Variants in CRLF1 observed in about 807,000 individuals in gnomAD.
CRLF1 encodes cytokine receptor like factor 1.
In CRLF1, 36 loss-of-function variants were observed where a neutral mutation model predicts 48.9. The observed-to-expected ratio is 0.74, with a 90% confidence interval of 0.56 to 0.97. CRLF1 has a LOEUF of 0.97. Ranked by LOEUF, CRLF1 falls within the 50% of genes least tolerant of loss-of-function variation. The pLI, the probability that CRLF1 is intolerant of heterozygous loss-of-function variation, is 0.00. For missense variants in CRLF1, 534 were observed against 575.1 expected (o/e 0.93, Z 0.73); for synonymous variants, 256 against 253.4 (o/e 1.01, Z -0.10).
intron 1 of CRLF1, among the ~76,000 whole-genome samples, chr19:18,605,919 C>G (rs977407035): frequency 3.3e-5 from 5 of 152,136 alleles, no homozygotes; most frequent in African/African-American, 1.2e-4. Context: ...AGGCTCTCCG[C>G]CCGACGCAGC....
At chr19:18,604,001 C>T (rs1171301477) in intron 1 of CRLF1, among the ~76,000 whole-genome samples, 1 of 152,204 alleles carries the variant, frequency 6.6e-6, no homozygotes. Flanking sequence ...GCGTCTCTGC[C>T]CCGGCCCACC....
rs780603994 is a variant in CRLF1, at chr19:18,594,366, G to A, written c.1093C>T (p.Arg365Cys). 6.2e-7 allele frequency: 1 copy of A among 1,608,880 alleles called. No homozygotes were observed. Among genetic ancestry groups the A allele is most frequent in the Non-Finnish European group, 8.5e-7 (1 of 1,178,038 alleles). The part of the protein sequence containing the change: ...GGEPSSGPVR[R>C]ELKQFLGWLK... ...CAGCCCAGGAACTGCTTGAGCTCGC[G>A]CCGCACCGGCCCCGAGCTCGGCTCT... Residue 365 changes from arginine to cysteine, a missense_variant, in exon 7 of 9, where the codon CGC becomes TGC. This residue lies in a region of CRLF1 where 528 missense variants were observed against 555.7 expected (regional missense o/e 0.95). Coordinates refer to ENST00000392386, the MANE Select transcript of CRLF1 (RefSeq NM_004750.5).
At chr19:18,604,325 C>G (rs951210869) in intron 1 of CRLF1, among the ~76,000 whole-genome samples, 5 of 152,182 alleles carry the variant, frequency 3.3e-5, no homozygotes, top group Non-Finnish European at 7.4e-5. Context: ...CCTGGACAGA[C>G]CAATCTCCCA....
chr19:18,600,484 T>C (rs886382600), intron 1 of CRLF1, among the ~76,000 whole-genome samples: 2 of 152,134 alleles, frequency 1.3e-5, no homozygotes, highest in African/African-American at 4.8e-5. Context: ...TTCTCCTGCC[T>C]CAGCCTCCCA....
intron 5 of CRLF1, 29 bp from the exon 6 acceptor site, chr19:18,596,819 AGGGCGGGGCCTAGCAGGAGCGG>A (rs1976141451): frequency 4.3e-6 from 7 of 1,611,286 alleles, no homozygotes; most frequent in African/African-American, 4.0e-5. Flanking sequence ...GTCAGAGTAG[AGGGCGGGGCCTAGCAGGAGCGG>A]GGGCGGGGCC....
In CRLF1 at chr19:18,606,754, C is replaced by A. The variant is rs946321821; in HGVS notation, c.-98G>T. The A allele has an allele frequency of 2.0e-4, 30 of 148,706 alleles. No homozygotes were observed. In the East Asian group the frequency reaches 5.0e-3, roughly 25 times the overall value. 9.2% of individuals were successfully genotyped at this position (148,706 alleles called of 1,614,324 possible). A position where few individuals can be genotyped will look rare whatever the true frequency, so the allele number is the denominator to read the frequency against. On this transcript the variant is annotated 5_prime_UTR_variant, in exon 1 of 9. Transcript: ENST00000392386. This position sits in a 1 kb window ranked among gnomAD's most constrained non-coding sequence, Gnocchi z 4.8. ...CGGGCGCGGGAGGGCGCGGGCCAGG[C>A]CGCCCGCACGTCGCTGGGCGCGGAC...
rs1976293533 is a variant in CRLF1, at chr19:18,606,236, C to A, written c.115+306G>T. On this transcript the variant is annotated intron_variant, in intron 1 of 8. Coordinates refer to ENST00000392386, the MANE Select transcript of CRLF1 (RefSeq NM_004750.5). The surrounding 1 kb of genome is among the most constrained non-coding windows in gnomAD (Gnocchi z 4.8). ...GTCCACCGAAGCAGACGCGTGCGCC[C>A]GCCACGTCCTGGCATGCAGAGGGTC... 6.6e-6 allele frequency among the ~76,000 whole-genome samples: 1 copy of A among 151,816 alleles called. No homozygotes were observed. The highest frequency in any genetic ancestry group is 2.4e-5 in the African/African-American group (1 of 41,362).
chr19:18,606,526 G>C lies in CRLF1; in HGVS notation c.115+16C>G, dbSNP rs1054693816. The stretch of plus-strand genomic sequence containing the variant: ...TGCTCTGGCAGGGGGGAAGGAGTGG[G>C]GCGCCGGGTACTCACGGGCTCCTGA... On this transcript the variant is annotated intron_variant, in intron 1 of 8. Transcript: ENST00000392386. The surrounding 1 kb of genome is among the most constrained non-coding windows in gnomAD (Gnocchi z 4.8). 2.6e-6 allele frequency: 3 copies of C among 1,159,046 alleles called. No homozygotes were observed. The African/African-American group carries it at 4.9e-5, about 19-fold the overall frequency. 71.8% of individuals were successfully genotyped at this position (1,159,046 alleles called of 1,614,324 possible). A position where few individuals can be genotyped will look rare whatever the true frequency, so the allele number is the denominator to read the frequency against.
chr19:18,598,863 T>G lies in CRLF1; in HGVS notation c.436A>C (p.Lys146Gln), dbSNP rs756103761. Residue 146 changes from lysine (K) to glutamine (Q), a missense_variant, in exon 3 of 9, where the codon AAG (lysine) becomes CAG (glutamine). Lys to Gln is a moderately conservative substitution (Grantham distance 53). Coordinates refer to ENST00000392386, the MANE Select transcript of CRLF1 (RefSeq NM_004750.5). Reference protein sequence around the residue: ...EKPVNISCWSKNMKDLTCRWT... With the variant: ...EKPVNISCWSQNMKDLTCRWT... ...CGGCAGGTCAAGTCCTTCATGTTCT[T>G]GGACCAGCAGCTGATGTTGACGGGT... The G allele has an allele frequency of 1.9e-5, 30 of 1,613,886 alleles. No individual in the cohort carries two copies. Among genetic ancestry groups the G allele is most frequent in the Non-Finnish European group, 2.5e-5 (29 of 1,179,976 alleles).
intron 6 of CRLF1, among the ~76,000 whole-genome samples, chr19:18,594,789 G>A (rs1019275149): frequency 6.6e-6 from 1 of 151,990 alleles, no homozygotes; most frequent in Non-Finnish European, 1.5e-5. Context: ...CAGAGCAGGG[G>A]GCCGAAAAAG....
At chr19:18,604,315 C>G (rs959913071) in intron 1 of CRLF1, among the ~76,000 whole-genome samples, 1 of 152,166 alleles carries the variant, frequency 6.6e-6, no homozygotes, top group East Asian at 1.9e-4. Context: ...GCCAGGCGGG[C>G]CTGGACAGAC....
chr19:18,599,887 C>A, intron 1 of CRLF1, 41 bp from the exon 2 acceptor site: 1 of 1,470,542 alleles, frequency 6.8e-7, no homozygotes, highest in Non-Finnish European at 9.0e-7. Flanking sequence ...AGGGCGGGGA[C>A]CCTCCAAGCC....
intron 8 of CRLF1, 33 bp downstream of exon 8, chr19:18,594,032 T>TTGGGCGCC: frequency 3.0e-5 from 21 of 695,800 alleles, no homozygotes; most frequent in Non-Finnish European, 4.0e-5. Flanking sequence ...CTCCCCTTGC[T>TTGGGCGCC]CCCTCCCGCC....
At chr19:18,594,033 C>CCA in intron 8 of CRLF1, 32 bp downstream of exon 8, 1 of 409,574 alleles carries the variant, frequency 2.4e-6, no homozygotes, top group South Asian at 1.9e-5. Flanking sequence ...TCCCCTTGCT[C>CCA]CCTCCCGCCC....
chr19:18,600,958 C>T (rs1600655017), intron 1 of CRLF1, among the ~76,000 whole-genome samples: 1 of 152,220 alleles, frequency 6.6e-6, no homozygotes, highest in East Asian at 1.9e-4. Flanking sequence ...GTGTGCACCA[C>T]CACACCTGGC....
intron 4 of CRLF1, among the ~76,000 whole-genome samples, chr19:18,597,623 GGTTTCACC>G (rs1309084451): frequency 6.6e-6 from 1 of 151,830 alleles, no homozygotes. Flanking sequence ...GTAGAGACGG[GGTTTCACC>G]GTTTTTTAGC....
In CRLF1 at chr19:18,606,465, C is replaced by T. The variant is rs1407836669; in HGVS notation, c.115+77G>A. On this transcript the variant is annotated intron_variant, in intron 1 of 8. Transcript: ENST00000392386. This position sits in a 1 kb window ranked among gnomAD's most constrained non-coding sequence, Gnocchi z 4.8. ...GGCCGTCCAGGTGGCGCCCGCGCCC[C>T]CTCCCCCCGCGGCTGCCCCCGGGGC... is the stretch of plus-strand genomic sequence containing the variant. The T allele has an allele frequency of 5.7e-6, 6 of 1,050,884 alleles. No individual in the cohort carries two copies. Among genetic ancestry groups the T allele is most frequent in the Admixed American group, 5.6e-5 (1 of 17,924 alleles). 65.1% of individuals were successfully genotyped at this position (1,050,884 alleles called of 1,614,324 possible).
intron 1 of CRLF1, among the ~76,000 whole-genome samples, chr19:18,605,479 G>A (rs2081420054): frequency 6.6e-6 from 1 of 152,228 alleles, no homozygotes; most frequent in African/African-American, 2.4e-5. Context: ...CTGAACATCT[G>A]GGGCGAGTGG....
chr19:18,595,007 CCCCATGGGACTGTCCCCAGCATGGG>C (rs1406428866), intron 6 of CRLF1, among the ~76,000 whole-genome samples: 10 of 152,108 alleles, frequency 6.6e-5, no homozygotes, highest in Non-Finnish European at 1.0e-4. Context: ...TGCAAGATGA[CCCCATGGGACTGTCCCCAGCATGGG>C]CCCATGGGAC....
Sources: allele counts gnomAD v4.1 joint callset (sites outside exome capture counted in the v4.1 genomes callset), GRCh38; gene constraint gnomAD v4.1.1; regional missense constraint gnomAD v4.1.1; non-coding constraint Gnocchi (gnomAD v3.1); transcripts MANE v1.5; gene names NCBI Gene and HGNC (gene_info 2026-07-23, HGNC 2026-07-21).